The following METTL2B variants were observed in gnomAD, a reference collection of about 807,000 sequenced individuals.
METTL2B encodes tRNA N(3)-cytidine methyltransferase METTL2B.
Under a neutral mutation model 51.0 loss-of-function variants are expected in METTL2B, and 28 were observed. The ratio of observed to expected loss-of-function variants is 0.55; its 90% confidence interval spans 0.41 to 0.75. METTL2B has a LOEUF of 0.75. METTL2B is among the 30% of genes least tolerant of loss of function. The pLI is 0.00. For missense variants in METTL2B, 313 were observed against 460.7 expected (o/e 0.68, Z 2.93); for synonymous variants, 128 against 166.3 (o/e 0.77, Z 1.77).
At chr7:128,479,755 T>C (rs1325533503) in intron 3 of METTL2B, among the ~76,000 whole-genome samples, 2 of 152,236 alleles carry the variant, frequency 1.3e-5, no homozygotes, top group South Asian at 2.1e-4. Context: ...CTTCCAAAAA[T>C]TGTATTAATA....
At chr7:128,477,035 C>G (rs754563468) in intron 1 of METTL2B, 47 bp from the exon 2 acceptor site, 6 of 1,613,380 alleles carry the variant, frequency 3.7e-6, no homozygotes, top group Non-Finnish European at 5.1e-6. Flanking sequence ...TCACCCTGCT[C>G]GCAGCCAGGA....
chr7:128,487,609 C>T (rs558269492), intron 4 of METTL2B, among the ~76,000 whole-genome samples: 1 of 152,286 alleles, frequency 6.6e-6, no homozygotes, highest in South Asian at 2.1e-4. Flanking sequence ...TCCTCAGCAT[C>T]TAAGATAATA....
At chr7:128,491,154 CAAAAA>C (rs56007742) in intron 5 of METTL2B, among the ~76,000 whole-genome samples, 2 of 103,436 alleles carry the variant, frequency 1.9e-5, no homozygotes, top group African/African-American at 7.9e-5. Context: ...GACTCCATCT[CAAAAA>C]AAAAAAAAAA....
At position 128,505,855 on chromosome 7, in the gene METTL2B, C is replaced by G. The variant is rs1486145051; in HGVS notation, c.*3939C>G. 6.6e-6 allele frequency: 1 copy of G among 152,142 alleles called. No homozygotes were observed. The highest frequency in any genetic ancestry group is 2.4e-5 in the African/African-American group (1 of 41,418). 9.4% of individuals were successfully genotyped at this position (152,142 alleles called of 1,614,324 possible). ...GGGTTATTTGTTGTTGTTTTTGAGA[C>G]AGGCTCACCCAGGCTGGAGTGCAGC... On this transcript the variant is annotated 3_prime_UTR_variant, in exon 9 of 9. Transcript: ENST00000262432.
At chr7:128,481,053 A>G (rs1799866682) in intron 4 of METTL2B, among the ~76,000 whole-genome samples, 1 of 152,180 alleles carries the variant, frequency 6.6e-6, no homozygotes, top group African/African-American at 2.4e-5. Flanking sequence ...CTAAGGAACA[A>G]ATGTGTTCAA....
intron 6 of METTL2B, among the ~76,000 whole-genome samples, chr7:128,497,106 A>AT (rs888325027): frequency 1.4e-4 from 22 of 151,826 alleles, no homozygotes; most frequent in Non-Finnish European, 2.9e-4. Context: ...AGACTTTGAA[A>AT]TTTTTTTTGG....
chr7:128,481,003 A>C (rs1385938967), intron 4 of METTL2B, among the ~76,000 whole-genome samples: 1 of 152,246 alleles, frequency 6.6e-6, no homozygotes, highest in Non-Finnish European at 1.5e-5. Flanking sequence ...AATTAGACTT[A>C]AAACTTGCTA....
intron 8 of METTL2B, chr7:128,501,389 G>A (rs1793027876): frequency 2.0e-6 from 2 of 985,404 alleles, no homozygotes; most frequent in Non-Finnish European, 2.4e-6. Flanking sequence ...CTTCACTTGG[G>A]CCTTCTGTTC....
chr7:128,478,939 C>T (rs1370802936), intron 2 of METTL2B, among the ~76,000 whole-genome samples: 1 of 152,158 alleles, frequency 6.6e-6, no homozygotes, highest in Non-Finnish European at 1.5e-5. Flanking sequence ...ATTGTTCAAA[C>T]AGAATTTAGA....
chr7:128,489,070 G>A (rs1163853152), intron 5 of METTL2B, among the ~76,000 whole-genome samples: 8 of 152,086 alleles, frequency 5.3e-5, no homozygotes, highest in South Asian at 2.1e-4. Flanking sequence ...AGCTGAGATC[G>A]CGCCACTGCA....
chr7:128,498,318 G>A (rs989871468), intron 7 of METTL2B, among the ~76,000 whole-genome samples, 176 bp downstream of exon 7: 10 of 147,400 alleles, frequency 6.8e-5, no homozygotes, highest in African/African-American at 2.5e-4. Context: ...CGGGGTGGGG[G>A]GCATCACACA....
At position 128,505,533 on chromosome 7, in the gene METTL2B, A is replaced by T. The variant is rs1793109832; in HGVS notation, c.*3617A>T. On this transcript the variant is annotated 3_prime_UTR_variant, in exon 9 of 9. Transcript: ENST00000262432. Reference sequence around the variant, plus strand: ...GCGACACATGATTATGAATTTCCCCATTATTGGTGATGTCACTTAGTTGTG... The same window carrying T: ...GCGACACATGATTATGAATTTCCCCTTTATTGGTGATGTCACTTAGTTGTG... 1 of 152,208 alleles carries T rather than the reference A, an allele frequency of 6.6e-6. No homozygotes were observed. Among genetic ancestry groups the T allele is most frequent in the Non-Finnish European group, 1.5e-5 (1 of 68,044 alleles). The allele number at this position is 152,208 out of a possible 1,614,324, so 9.4% of individuals were successfully genotyped here. A position where few individuals can be genotyped will look rare whatever the true frequency, so the allele number is the denominator to read the frequency against.
At position 128,505,097 on chromosome 7, in the gene METTL2B, C is replaced by CA. The variant is rs60476282; in HGVS notation, c.*3202dup. The CA allele has an allele frequency of 0.016, 927 of 58,836 alleles. 37 individuals carry two copies. Among genetic ancestry groups the CA allele is most frequent in the African/African-American group, 0.052 (708 of 13,522 alleles). 3.6% of individuals were successfully genotyped at this position (58,836 alleles called of 1,614,324 possible). A position where few individuals can be genotyped will look rare whatever the true frequency, so the allele number is the denominator to read the frequency against. On this transcript the variant is annotated 3_prime_UTR_variant, in exon 9 of 9. Coordinates refer to ENST00000262432, the MANE Select transcript of METTL2B (RefSeq NM_018396.3). The stretch of plus-strand genomic sequence containing the variant: ...GGGCAACAAGAGTGAAACTCCGTCT[C>CA]AAAAAAAAAAAAAAAAAAAAATTAG...
chr7:128,477,373 T>C (rs1799816184), intron 2 of METTL2B, among the ~76,000 whole-genome samples, 200 bp downstream of exon 2: 3 of 152,010 alleles, frequency 2.0e-5, no homozygotes, highest in African/African-American at 7.3e-5. Context: ...TCGTAGAGGG[T>C]TTTTTTAATA....
Position 128,479,457 on chromosome 7 carries a change from C to T in METTL2B, c.502C>T (p.Leu168=), listed in dbSNP as rs1157525563. ...EENVTQKISD[L]EICADEFPGS... is the part of the protein sequence containing the mutation. Reference sequence around the variant, plus strand: ...GAATGTAACTCAGAAAATTAGTGACCTGGAAATTTGTGCTGATGAGTTTCC... The same window carrying T: ...GAATGTAACTCAGAAAATTAGTGACTTGGAAATTTGTGCTGATGAGTTTCC... The change falls in exon 3 of 9, where the codon CTG becomes TTG. Residue 168 remains leucine (L), a synonymous_variant. Transcript: ENST00000262432. 3 of 1,614,098 alleles carry T rather than the reference C, an allele frequency of 1.9e-6. No homozygotes were observed. Among genetic ancestry groups the T allele is most frequent in the South Asian group, 2.2e-5 (2 of 91,080 alleles).
rs2116865623 is a variant in METTL2B at position 128,498,035 on chromosome 7, G to A, written c.810-1G>A. The A allele has an allele frequency of 6.2e-7, 1 of 1,613,732 alleles. No individual in the cohort carries two copies. Among genetic ancestry groups the A allele is most frequent in the South Asian group, 1.1e-5 (1 of 91,080 alleles). ...AACTATAATTCCCTGTGTCTCCACA[G>A]GATGCAGAAGGCTATCAACAGGCTG... On this transcript the variant is annotated splice_acceptor_variant, in intron 6 of 8. Transcript: ENST00000262432. LOFTEE classifies it high-confidence loss of function.
intron 6 of METTL2B, among the ~76,000 whole-genome samples, chr7:128,494,350 G>A (rs1245675190): frequency 6.6e-6 from 1 of 152,186 alleles, no homozygotes; most frequent in Non-Finnish European, 1.5e-5. Flanking sequence ...TTTATGTTCT[G>A]ATAGACACAA....
chr7:128,502,734 A>C lies in METTL2B; in HGVS notation c.*818A>C. The C allele has an allele frequency of 2.8e-6, 1 of 359,152 alleles. No individual in the cohort carries two copies. Among genetic ancestry groups the C allele is most frequent in the South Asian group, 2.0e-5 (1 of 49,938 alleles). 22.2% of individuals were successfully genotyped at this position (359,152 alleles called of 1,614,324 possible). On this transcript the variant is annotated 3_prime_UTR_variant, in exon 9 of 9. Transcript: ENST00000262432. ...GCCAACATGGTGAAACCCCGTCTCT[A>C]CTAAAGATAAAAAAATTAGCTGGGT...
chr7:128,488,503 T>C (rs1303968936), intron 5 of METTL2B: 7 of 492,174 alleles, frequency 1.4e-5, no homozygotes, highest in Non-Finnish European at 2.9e-5. Flanking sequence ...ATGTATGTTA[T>C]AGTGTGTGAC....
Sources: gnomAD v4.1 joint callset for allele counts (sites outside exome capture counted in the v4.1 genomes callset) on GRCh38, gnomAD v4.1.1 for gene constraint, MANE v1.5 for transcripts, NCBI Gene and HGNC (gene_info 2026-07-23, HGNC 2026-07-21) for gene names.